Variants in SCHIP1 observed in about 807,000 individuals in gnomAD.
SCHIP1 encodes the protein schwannomin interacting protein 1, also known as schwannomin-interacting protein 1.
A neutral mutation model predicts 29.7 loss-of-function variants in SCHIP1; 8 were observed. The ratio of observed to expected loss-of-function variants is 0.27; its 90% CI spans 0.16 to 0.49. SCHIP1 has a LOEUF of 0.49. SCHIP1 is among the 20% of genes least tolerant of loss of function. The probability of loss-of-function intolerance (pLI) is 0.99; values close to 1 mark genes in which losing one functional copy is unlikely to be tolerated. For synonymous variants in SCHIP1, 76 were observed against 94.9 expected, an observed-to-expected ratio of 0.80 and a Z score of 1.16; for missense variants, 193 against 294.6, an observed-to-expected ratio of 0.66 and a Z score of 2.52.
the SCHIP1 span, among the ~76,000 whole-genome samples, chr3:159,680,680 A>AC: frequency 1.4e-5 from 1 of 70,700 alleles, no homozygotes; most frequent in Non-Finnish European, 2.3e-5. Context: ...TTATATATAT[A>AC]ATATATGTAT....
intron 2 of SCHIP1, among the ~76,000 whole-genome samples, chr3:159,871,484 T>C (rs1465258237): frequency 6.6e-6 from 1 of 152,202 alleles, no homozygotes; most frequent in Non-Finnish European, 1.5e-5. Context: ...TGTTCACCAC[T>C]GTAACTATTG....
At chr3:159,373,455 C>T in the SCHIP1 span, among the ~76,000 whole-genome samples, 3 of 151,942 alleles carry the variant, frequency 2.0e-5, no homozygotes, top group South Asian at 4.1e-4. Flanking sequence ...AATTTACCCT[C>T]TTAGGGATTT....
the SCHIP1 span, among the ~76,000 whole-genome samples, chr3:159,474,789 A>G: frequency 6.6e-6 from 1 of 152,146 alleles, no homozygotes; most frequent in Non-Finnish European, 1.5e-5. Context: ...CTCTTGAGGA[A>G]CCACTAGTCA....
chr3:159,680,225 G>A, the SCHIP1 span, among the ~76,000 whole-genome samples: 1 of 151,868 alleles, frequency 6.6e-6, no homozygotes, highest in African/African-American at 2.4e-5. Flanking sequence ...AATAGTATAT[G>A]CAGGGCCAGG....
chr3:159,313,938 G>A, the SCHIP1 span, among the ~76,000 whole-genome samples: 1 of 152,222 alleles, frequency 6.6e-6, no homozygotes, highest in African/African-American at 2.4e-5. Flanking sequence ...TATGAGTTTG[G>A]GAGAATACCA....
At chr3:159,626,141 T>TAGATCGATCG in the SCHIP1 span, among the ~76,000 whole-genome samples, 8 of 95,618 alleles carry the variant, frequency 8.4e-5, 2 homozygotes, top group African/African-American at 1.9e-4. Context: ...TAGATAGATA[T>TAGATCGATCG]ATCTAGATAT....
the SCHIP1 span, among the ~76,000 whole-genome samples, chr3:159,355,338 C>A: frequency 6.6e-6 from 1 of 152,076 alleles, no homozygotes; most frequent in South Asian, 2.1e-4. Context: ...GGGCAGAAAC[C>A]AATGACACTC....
chr3:159,887,718 G>T (rs1322157002), exon 4 of SCHIP1: 1 of 1,613,868 alleles, frequency 6.2e-7, no homozygotes, highest in Non-Finnish European at 8.5e-7. Context: ...AGCAAACAGA[G>T]TTCTTCCTAT....
At chr3:159,764,467 C>A in the SCHIP1 span, 1 of 1,594,814 alleles carries the variant, frequency 6.3e-7, no homozygotes, top group Non-Finnish European at 8.5e-7. The surrounding 1 kb of genome is among the most constrained non-coding windows in gnomAD (Gnocchi z 6.1). Context: ...TGGGATGGAT[C>A]TAGGCAGTGA....
At chr3:159,280,448 T>C in the SCHIP1 span, among the ~76,000 whole-genome samples, 6 of 152,180 alleles carry the variant, frequency 3.9e-5, no homozygotes, top group Non-Finnish European at 7.3e-5. Context: ...CTGGGACCTA[T>C]GTGATAAGTT....
At chr3:159,556,496 T>C in the SCHIP1 span, among the ~76,000 whole-genome samples, 1 of 151,918 alleles carries the variant, frequency 6.6e-6, no homozygotes, top group Non-Finnish European at 1.5e-5. Context: ...CCATTCACAA[T>C]AGCAAAGACT....
chr3:159,357,705 TAAG>T, the SCHIP1 span, among the ~76,000 whole-genome samples: 5 of 152,198 alleles, frequency 3.3e-5, no homozygotes, highest in African/African-American at 7.2e-5. Context: ...CAAATCCTCA[TAAG>T]AAGGAGTAAA....
At chr3:159,822,480 A>T in the SCHIP1 span, among the ~76,000 whole-genome samples, 21 of 151,966 alleles carry the variant, frequency 1.4e-4, no homozygotes, top group African/African-American at 4.8e-4. Context: ...TATGGAGGGC[A>T]TGAAGTTGTT....
chr3:159,530,012 G>C, the SCHIP1 span, among the ~76,000 whole-genome samples: 1 of 152,168 alleles, frequency 6.6e-6, no homozygotes, highest in Non-Finnish European at 1.5e-5. Flanking sequence ...TAGACACTTA[G>C]GTCAATTCCA....
At chr3:159,736,883 C>G in the SCHIP1 span, among the ~76,000 whole-genome samples, 2 of 152,256 alleles carry the variant, frequency 1.3e-5, no homozygotes, top group South Asian at 4.1e-4. Flanking sequence ...TACAGGCACC[C>G]GCCACCACGC....
chr3:159,590,938 C>T, the SCHIP1 span, among the ~76,000 whole-genome samples: 1 of 152,098 alleles, frequency 6.6e-6, no homozygotes, highest in Non-Finnish European at 1.5e-5. Context: ...ATGTTGATGT[C>T]TTCAATATGA....
chr3:159,511,455 G>C, the SCHIP1 span, among the ~76,000 whole-genome samples: 31 of 152,180 alleles, frequency 2.0e-4, no homozygotes, highest in African/African-American at 5.5e-4. Flanking sequence ...GCTCACACTC[G>C]GTGCACTGCA....
At chr3:159,587,713 TGTG>T in the SCHIP1 span, among the ~76,000 whole-genome samples, 1 of 152,078 alleles carries the variant, frequency 6.6e-6, no homozygotes, top group African/African-American at 2.4e-5. Context: ...AGTGAGAACA[TGTG>T]GTGTTTGGTT....
the SCHIP1 span, among the ~76,000 whole-genome samples, chr3:159,500,720 A>G: frequency 6.6e-6 from 1 of 152,022 alleles, no homozygotes; most frequent in Non-Finnish European, 1.5e-5. Flanking sequence ...CTCAAAAAAA[A>G]AAAAAGAAAA....
Sources: allele counts gnomAD v4.1 joint callset (sites outside exome capture counted in the v4.1 genomes callset), GRCh38; gene constraint gnomAD v4.1.1; non-coding constraint Gnocchi (gnomAD v3.1); transcripts MANE v1.5; gene names NCBI Gene and HGNC (gene_info 2026-07-23, HGNC 2026-07-21).